Variants in PCDHGA1 observed in about 807,000 individuals in gnomAD.
PCDHGA1 encodes protocadherin gamma-A1.
In PCDHGA1, 32 loss-of-function variants were observed where a neutral mutation model predicts 58.0. The ratio of observed to expected loss-of-function variants is 0.55; its 90% CI spans 0.42 to 0.74. The LOEUF is 0.74. PCDHGA1 is among the 30% of genes least tolerant of loss of function. PCDHGA1 has a pLI of 0.00. For missense variants in PCDHGA1, 1,205 were observed against 1,182.3 expected, an observed-to-expected ratio of 1.02 and a Z score of -0.28; for synonymous variants, 498 against 501.1, an observed-to-expected ratio of 0.99 and a Z score of 0.08.
intron 1 of PCDHGA1, among the ~76,000 whole-genome samples, chr5:141,401,643 A>G (rs973841801): frequency 6.6e-6 from 1 of 152,262 alleles, no homozygotes; most frequent in African/African-American, 2.4e-5. Context: ...AGCTTTAAAT[A>G]TAAATGACTG....
At chr5:141,362,170 C>G (rs1394296027) in intron 1 of PCDHGA1, 1 of 1,613,918 alleles carries the variant, frequency 6.2e-7, no homozygotes, top group Non-Finnish European at 8.5e-7. Flanking sequence ...CAGCGACCGC[C>G]GGGAGCCCTC....
Position 141,489,646 on chromosome 5 carries a change from C to G in PCDHGA1, c.2422-5161C>G, listed in dbSNP as rs1274955075. The G allele has an allele frequency of 1.2e-6, 2 of 1,614,186 alleles. No individual in the cohort carries two copies. Among genetic ancestry groups the G allele is most frequent in the Non-Finnish European group, 1.7e-6 (2 of 1,180,022 alleles). ...TGACAACTCTCCTAGCTTTGCCACC[C>G]CTGAGCGAGAGATGCGCATCTCAGA... On this transcript the variant is annotated intron_variant, in intron 1 of 3. Coordinates refer to ENST00000517417, the MANE Select transcript of PCDHGA1 (RefSeq NM_018912.3). The surrounding 1 kb of genome is among the most constrained non-coding windows in gnomAD (Gnocchi z 4.5).
chr5:141,469,581 A>G (rs543624370), intron 1 of PCDHGA1, among the ~76,000 whole-genome samples: 1 of 152,340 alleles, frequency 6.6e-6, no homozygotes, highest in Admixed American at 6.5e-5. Flanking sequence ...CTCTAAATAA[A>G]TAAATAAATA....
intron 1 of PCDHGA1, chr5:141,394,971 C>T: frequency 6.2e-7 from 1 of 1,613,938 alleles, no homozygotes. Context: ...GAGGCGCTGG[C>T]ACAAGTCACG....
intron 1 of PCDHGA1, chr5:141,352,413 A>C (rs1759005544): frequency 1.9e-6 from 3 of 1,613,844 alleles, no homozygotes; most frequent in South Asian, 2.2e-5. Flanking sequence ...TCCAGCCTCG[A>C]CACTGAGGGC....
chr5:141,352,360 C>T (rs750327987), intron 1 of PCDHGA1: 11 of 1,613,940 alleles, frequency 6.8e-6, no homozygotes, highest in Non-Finnish European at 7.6e-6. Context: ...TGCTCTTTCT[C>T]CTCGCGGTGA....
rs1425448852 is a variant in PCDHGA1, at chr5:141,493,717, C to T, written c.2422-1090C>T. Among the ~76,000 whole-genome samples the T allele has an allele frequency of 1.3e-5, 2 of 152,208 alleles. No individual in the cohort carries two copies. The highest frequency in any genetic ancestry group is 3.8e-4 in the East Asian group (2 of 5,202). On this transcript the variant is annotated intron_variant, in intron 1 of 3. Coordinates refer to ENST00000517417, the MANE Select transcript of PCDHGA1 (RefSeq NM_018912.3). This position sits in a 1 kb window ranked among gnomAD's most constrained non-coding sequence, Gnocchi z 4.3. ...CCGATACACCTGGAATGCTAGGTTT[C>T]TGGGTTCTGCTCATATCACTGCCAC...
intron 1 of PCDHGA1, among the ~76,000 whole-genome samples, chr5:141,397,616 T>G (rs918214976): frequency 2.0e-5 from 3 of 152,194 alleles, no homozygotes; most frequent in Non-Finnish European, 4.4e-5. Context: ...AGGGCAATAC[T>G]TAGTTCTAGC....
At position 141,511,199 on chromosome 5, in the gene PCDHGA1, G is replaced by C. The variant is rs1303066281; in HGVS notation, c.*26G>C. On this transcript the variant is annotated 3_prime_UTR_variant, in exon 4 of 4. Coordinates refer to ENST00000517417, the MANE Select transcript of PCDHGA1 (RefSeq NM_018912.3). The stretch of plus-strand genomic sequence containing the variant: ...CATGGAGGCCAGGCCAAGAGCCACA[G>C]GGCGGCCTCTCCCCAACCAGCCCAG... 6.2e-6 allele frequency: 10 copies of C among 1,612,868 alleles called. No individual in the cohort carries two copies. In the East Asian group the frequency reaches 2.2e-4, roughly 36 times the overall value.
Position 141,418,806 on chromosome 5 carries a change from C to T in PCDHGA1, c.2422-76001C>T, listed in dbSNP as rs200530054. The T allele has an allele frequency of 3.0e-5, 49 of 1,613,694 alleles. No individual in the cohort carries two copies. In the African/African-American group the frequency reaches 5.9e-4, roughly 19 times the overall value. On this transcript the variant is annotated intron_variant, in intron 1 of 3. Transcript: ENST00000517417. ...GATTTTGAAGAAGTAGAAAGATATA[C>T]GATAAACATAGAAGCAAAAGACCGA...
At chr5:141,466,709 T>C (rs2099127779) in intron 1 of PCDHGA1, among the ~76,000 whole-genome samples, 1 of 152,212 alleles carries the variant, frequency 6.6e-6, no homozygotes, top group Non-Finnish European at 1.5e-5. Flanking sequence ...TGATGTCTGT[T>C]CTTGTTTCCA....
At chr5:141,395,560 G>T (rs868147032) in intron 1 of PCDHGA1, 1 of 206,840 alleles carries the variant, frequency 4.8e-6, no homozygotes, top group South Asian at 1.4e-4. Context: ...GTGTGTGTGT[G>T]TGTGTGTGTG....
chr5:141,503,616 A>G (rs1260134621), intron 2 of PCDHGA1, among the ~76,000 whole-genome samples: 2 of 150,944 alleles, frequency 1.3e-5, no homozygotes, highest in African/African-American at 2.4e-5. Context: ...AAAAAAAAAG[A>G]AAAAAGAAAA....
rs962136728 is a variant in PCDHGA1 at position 141,491,524 on chromosome 5, G to A, written c.2422-3283G>A. 1 of 1,613,960 alleles carries A rather than the reference G, an allele frequency of 6.2e-7. No homozygotes were observed. The highest frequency in any genetic ancestry group is 1.3e-5 in the African/African-American group (1 of 74,936). On this transcript the variant is annotated intron_variant, in intron 1 of 3. Coordinates refer to ENST00000517417, the MANE Select transcript of PCDHGA1 (RefSeq NM_018912.3). The surrounding 1 kb of genome is among the most constrained non-coding windows in gnomAD (Gnocchi z 6.9). ...GGACGGCACGCTCAAGTACATGGAG[G>A]TGACGCTGCGGCCCACAGACTCGCA...
chr5:141,375,205 A>G (rs1771239671), intron 1 of PCDHGA1: 3 of 1,614,000 alleles, frequency 1.9e-6, no homozygotes, highest in Non-Finnish European at 1.7e-6. Flanking sequence ...TGTTCGATCG[A>G]GACTCTGGCC....
intron 1 of PCDHGA1, among the ~76,000 whole-genome samples, chr5:141,359,239 A>G (rs1050299402): frequency 6.6e-6 from 1 of 152,166 alleles, no homozygotes; most frequent in Non-Finnish European, 1.5e-5. Context: ...GATTGTTTAA[A>G]GTAATTAAGC....
chr5:141,420,840 TC>T (rs1453160032), intron 1 of PCDHGA1, among the ~76,000 whole-genome samples: 1 of 152,250 alleles, frequency 6.6e-6, no homozygotes, highest in Admixed American at 6.5e-5. Flanking sequence ...TCGCAGGTGT[TC>T]TTGGTAAAGT....
chr5:141,401,290 C>G (rs1460193254), intron 1 of PCDHGA1, among the ~76,000 whole-genome samples: 1 of 151,710 alleles, frequency 6.6e-6, no homozygotes, highest in South Asian at 2.1e-4. Context: ...TGCGGTGAGC[C>G]GAGATCACTC....
At chr5:141,356,290 A>C in intron 1 of PCDHGA1, 1 of 1,555,814 alleles carries the variant, frequency 6.4e-7, no homozygotes, top group Non-Finnish European at 8.7e-7. Context: ...TTCCCCGGGT[A>C]CAGTAATTGC....
Sources: allele counts gnomAD v4.1 joint callset (sites outside exome capture counted in the v4.1 genomes callset), GRCh38; gene constraint gnomAD v4.1.1; non-coding constraint Gnocchi (gnomAD v3.1); transcripts MANE v1.5; gene names NCBI Gene and HGNC (gene_info 2026-07-23, HGNC 2026-07-21).